Variants in RNF150 observed in about 807,000 individuals in gnomAD.
RNF150 encodes ring finger protein 150.
In RNF150, 24 loss-of-function variants were observed where a neutral mutation model predicts 39.3. The observed-to-expected ratio is 0.61, with a 90% confidence interval of 0.44 to 0.86. The LOEUF is 0.86. RNF150 is among the 40% of genes least tolerant of loss of function. The pLI is 0.00. For synonymous variants in RNF150, 255 were observed against 227.3 expected (o/e 1.12, Z -1.10); for missense variants, 502 against 587.8 (o/e 0.85, Z 1.51).
At chr4:141,138,306 C>T (rs1727059520), upstream of RNF150, among the ~76,000 whole-genome samples, 1 of 152,010 alleles carries the variant, frequency 6.6e-6, no homozygotes, top group Admixed American at 6.6e-5. Context: ...TGGTGGATTG[C>T]ATTTTTAATG....
chr4:141,206,995 A>C (rs1728385483), intron 1 of RNF150, among the ~76,000 whole-genome samples: 1 of 151,052 alleles, frequency 6.6e-6, no homozygotes, highest in Admixed American at 6.6e-5. Context: ...AGTGTCCAGC[A>C]TGGTAAGAAG....
chr4:141,082,579 TA>T (rs1283910604), intron 1 of RNF150, among the ~76,000 whole-genome samples: 7 of 145,606 alleles, frequency 4.8e-5, no homozygotes, highest in African/African-American at 1.0e-4. Context: ...AGGATGAAAT[TA>T]TTTTTTTTAT....
At chr4:141,147,732 G>T (rs1727226599) in intron 1 of RNF150, among the ~76,000 whole-genome samples, 2 of 151,750 alleles carry the variant, frequency 1.3e-5, no homozygotes, top group African/African-American at 4.9e-5. Context: ...GAGCATAGCT[G>T]AGAGAGAGAG....
chr4:140,950,965 T>G (rs1431555235), intron 2 of RNF150, among the ~76,000 whole-genome samples: 1 of 151,466 alleles, frequency 6.6e-6, no homozygotes, highest in East Asian at 1.9e-4. Flanking sequence ...ATAGGAAGAG[T>G]CTTTAGTGAT....
intron 1 of RNF150, among the ~76,000 whole-genome samples, chr4:141,078,470 G>A (rs1277293881): frequency 6.6e-6 from 1 of 151,926 alleles, no homozygotes; most frequent in African/African-American, 2.4e-5. Context: ...AGAGGAGTCT[G>A]TGTTAGTTTT....
chr4:141,153,902 G>C (rs1460792325), intron 1 of RNF150, among the ~76,000 whole-genome samples: 3 of 152,214 alleles, frequency 2.0e-5, no homozygotes, highest in African/African-American at 7.2e-5. Context: ...GTATGGCTAA[G>C]AGAGCAGGCT....
intron 1 of RNF150, among the ~76,000 whole-genome samples, chr4:141,118,830 G>A (rs1449105061): frequency 6.6e-6 from 1 of 151,992 alleles, no homozygotes; most frequent in African/African-American, 2.4e-5. Context: ...GCTCGATCTC[G>A]GCTCACTACA....
chr4:141,168,852 G>A (rs1242785070), intron 1 of RNF150, among the ~76,000 whole-genome samples: 1 of 152,118 alleles, frequency 6.6e-6, no homozygotes, highest in Non-Finnish European at 1.5e-5. Flanking sequence ...TAGATGATGG[G>A]TTGATGGGTG....
chr4:140,910,378 A>C lies in RNF150; in HGVS notation c.1198+766T>G, dbSNP rs188527991. ...GCATCTGATTTTCTTAGAACTCCTG[A>C]AGCTTTTATCTCTTATATTAGACTG... On this transcript the variant is annotated intron_variant, in intron 6 of 6. Transcript: ENST00000515673. Among the ~76,000 whole-genome samples the C allele has an allele frequency of 2.0e-3, 312 of 152,248 alleles. 1 individual carries two copies. The highest frequency in any genetic ancestry group is 2.1e-3 in the Non-Finnish European group (146 of 68,016).
intron 1 of RNF150, among the ~76,000 whole-genome samples, chr4:141,052,279 A>G (rs1736804929): frequency 1.3e-5 from 2 of 152,218 alleles, no homozygotes. Flanking sequence ...GGAATTTCAC[A>G]ATAACTTTTC....
intron 1 of RNF150, among the ~76,000 whole-genome samples, chr4:141,159,777 C>G (rs1727479576): frequency 6.6e-6 from 1 of 152,170 alleles, no homozygotes. Context: ...CTTACGGGTT[C>G]AAGTGATCCA....
At chr4:141,047,451 C>T (rs565938140) in intron 1 of RNF150, among the ~76,000 whole-genome samples, 192 of 152,154 alleles carry the variant, frequency 1.3e-3, no homozygotes, top group African/African-American at 3.9e-3. Context: ...CAAAGACAGA[C>T]GCACACACAG....
At chr4:141,021,223 T>C (rs1041903040) in intron 1 of RNF150, among the ~76,000 whole-genome samples, 1 of 152,096 alleles carries the variant, frequency 6.6e-6, no homozygotes, top group Admixed American at 6.6e-5. Context: ...CAGGGGATTC[T>C]GGCTAAGCCA....
chr4:141,005,933 G>A (rs1734850564), intron 1 of RNF150, among the ~76,000 whole-genome samples: 1 of 146,630 alleles, frequency 6.8e-6, no homozygotes, highest in African/African-American at 2.5e-5. Flanking sequence ...GCCGGGCGTA[G>A]TGGCGGGCGC....
chr4:141,055,063 T>A (rs1332927206), intron 1 of RNF150, among the ~76,000 whole-genome samples: 1 of 152,094 alleles, frequency 6.6e-6, no homozygotes, highest in African/African-American at 2.4e-5. Flanking sequence ...GCTCAGAAAT[T>A]GGTAATAAAA....
chr4:141,020,256 T>C (rs1735442598), intron 1 of RNF150, among the ~76,000 whole-genome samples: 1 of 152,192 alleles, frequency 6.6e-6, no homozygotes. Flanking sequence ...AAGATATTTT[T>C]CTCTTATTCC....
At chr4:141,144,059 T>G (rs1410333231) in intron 1 of RNF150, among the ~76,000 whole-genome samples, 4 of 152,210 alleles carry the variant, frequency 2.6e-5, no homozygotes, top group Non-Finnish European at 4.4e-5. Flanking sequence ...GGTTCAGAAC[T>G]TTATATTCAA....
At chr4:141,050,423 T>C (rs1298269795) in intron 1 of RNF150, among the ~76,000 whole-genome samples, 1 of 152,166 alleles carries the variant, frequency 6.6e-6, no homozygotes, top group Non-Finnish European at 1.5e-5. Flanking sequence ...AACTCAAAAG[T>C]CCATAGTCCA....
chr4:140,893,858 A>C (rs1365367345), intron 6 of RNF150, among the ~76,000 whole-genome samples: 2 of 152,260 alleles, frequency 1.3e-5, no homozygotes, highest in African/African-American at 4.8e-5. Context: ...CTGAAAAACT[A>C]GCAATTTTCT....
Sources: allele counts gnomAD v4.1 joint callset (sites outside exome capture counted in the v4.1 genomes callset), GRCh38; gene constraint gnomAD v4.1.1; transcripts MANE v1.5; gene names NCBI Gene and HGNC (gene_info 2026-07-23, HGNC 2026-07-21).